Variants in SGPP2 observed in about 807,000 individuals in gnomAD.
The protein encoded by SGPP2 is sphingosine 1-phosphate phosphohydrolase 2.
A neutral mutation model predicts 33.9 loss-of-function variants in SGPP2; 30 were observed. The ratio of observed to expected loss-of-function variants is 0.89; its 90% CI spans 0.66 to 1.20. The LOEUF (loss-of-function observed/expected upper bound fraction) is 1.20. SGPP2 is among the 50% of genes most tolerant of loss of function. The probability of loss-of-function intolerance (pLI) is 0.00; values close to 1 mark genes in which losing one functional copy is unlikely to be tolerated. For synonymous variants in SGPP2, 233 were observed against 225.0 expected (o/e 1.04, Z -0.32); for missense variants, 458 against 532.1 (o/e 0.86, Z 1.37).
chr2:222,433,866 A>G (rs1344368041), intron 1 of SGPP2, among the ~76,000 whole-genome samples: 1 of 152,194 alleles, frequency 6.6e-6, no homozygotes, highest in Non-Finnish European at 1.5e-5. Flanking sequence ...ATGTATTTCA[A>G]TTACTATGTT....
chr2:222,458,971 G>A (rs555361377), intron 1 of SGPP2, among the ~76,000 whole-genome samples: 309 of 152,210 alleles, frequency 2.0e-3, no homozygotes, highest in African/African-American at 6.4e-3. Flanking sequence ...CTCAGTAGAT[G>A]TAGGTTAGTG....
At chr2:222,425,587 T>C (rs1292912410) in intron 1 of SGPP2, among the ~76,000 whole-genome samples, 1 of 152,156 alleles carries the variant, frequency 6.6e-6, no homozygotes, top group Non-Finnish European at 1.5e-5. Flanking sequence ...ACAGGGACTT[T>C]AGGCAGCAGG....
intron 4 of SGPP2, among the ~76,000 whole-genome samples, chr2:222,558,011 A>G (rs150082267): frequency 2.0e-5 from 3 of 152,342 alleles, no homozygotes; most frequent in African/African-American, 7.2e-5. Flanking sequence ...CGGTGACAGT[A>G]TTTGTGATAT....
At chr2:222,466,655 C>T (rs1697750869) in intron 1 of SGPP2, among the ~76,000 whole-genome samples, 2 of 152,110 alleles carry the variant, frequency 1.3e-5, no homozygotes, top group African/African-American at 4.8e-5. Context: ...TGCAAAAGCC[C>T]TTCTTAGGGA....
chr2:222,562,522 T>C lies in SGPP2; in HGVS notation c.*3624T>C, dbSNP rs1378746878. ...GGCCATATGCACCAGGTTTCTATTT[T>C]AGAAACCTTCAGCTGTCTTGCTTAT... On this transcript the variant is annotated 3_prime_UTR_variant, in exon 5 of 5. Coordinates refer to ENST00000321276, the MANE Select transcript of SGPP2 (RefSeq NM_152386.4). 6.6e-6 allele frequency among the ~76,000 whole-genome samples: 1 copy of C among 152,264 alleles called. No individual in the cohort carries two copies. Among genetic ancestry groups the C allele is most frequent in the African/African-American group, 2.4e-5 (1 of 41,470 alleles).
Position 222,561,319 on chromosome 2 carries a change from C to T in SGPP2, c.*2421C>T, listed in dbSNP as rs1398763835. On this transcript the variant is annotated 3_prime_UTR_variant, in exon 5 of 5. Coordinates refer to ENST00000321276, the MANE Select transcript of SGPP2 (RefSeq NM_152386.4). Reference sequence around the variant, plus strand: ...GCCCCTGCAGAGCAGTGGCTGTCAGCCGGATGCGGCACTTTTCTGTATTTT... The same window carrying T: ...GCCCCTGCAGAGCAGTGGCTGTCAGTCGGATGCGGCACTTTTCTGTATTTT... 6.6e-6 allele frequency among the ~76,000 whole-genome samples: 1 copy of T among 152,020 alleles called. No individual in the cohort carries two copies. The highest frequency in any genetic ancestry group is 2.4e-5 in the African/African-American group (1 of 41,410).
At chr2:222,553,529 G>T (rs970741613) in intron 4 of SGPP2, among the ~76,000 whole-genome samples, 1 of 152,148 alleles carries the variant, frequency 6.6e-6, no homozygotes, top group African/African-American at 2.4e-5. Context: ...CCTGGGCCAC[G>T]CTTCTGATCA....
intron 1 of SGPP2, among the ~76,000 whole-genome samples, chr2:222,454,659 C>T (rs1040617402): frequency 2.6e-5 from 4 of 151,202 alleles, no homozygotes; most frequent in Admixed American, 2.6e-4. Flanking sequence ...GCTTGATTAG[C>T]TGAAAACTCA....
intron 2 of SGPP2, among the ~76,000 whole-genome samples, chr2:222,511,266 T>C (rs1393336180): frequency 2.6e-5 from 4 of 152,204 alleles, no homozygotes; most frequent in African/African-American, 9.7e-5. Context: ...ACCTTTTGTC[T>C]GCCTGGGGTG....
intron 4 of SGPP2, among the ~76,000 whole-genome samples, chr2:222,529,395 C>T (rs931901112): frequency 6.6e-6 from 1 of 152,016 alleles, no homozygotes; most frequent in Non-Finnish European, 1.5e-5. Context: ...AGTGCAATGG[C>T]GTGATGTCTA....
intron 1 of SGPP2, among the ~76,000 whole-genome samples, chr2:222,449,678 C>T (rs770938633): frequency 1.3e-5 from 2 of 152,142 alleles, no homozygotes; most frequent in Non-Finnish European, 2.9e-5. Context: ...ACCATGTTAG[C>T]CAATTCTTAT....
intron 1 of SGPP2, chr2:222,453,086 C>T (rs1237916932): frequency 1.9e-6 from 2 of 1,078,422 alleles, no homozygotes; most frequent in East Asian, 2.4e-5. Context: ...GGTTGTTTGC[C>T]TTTGGGACTG....
In SGPP2 at chr2:222,559,175, CG is replaced by C. The variant is rs534132082; in HGVS notation, c.*278del. ...GCACACACCGCGCCCCCCCCCCCCC[CG>C]CCCGGCCCCTGCTCCTCTCGCTGTT... On this transcript the variant is annotated 3_prime_UTR_variant, in exon 5 of 5. Coordinates refer to ENST00000321276, the MANE Select transcript of SGPP2 (RefSeq NM_152386.4). 5,605 of 37,412 alleles carry C rather than the reference CG, an allele frequency of 0.15. 457 individuals carry two copies. The highest frequency in any genetic ancestry group is 0.29 in the East Asian group (655 of 2,242). The allele number at this position is 37,412 out of a possible 1,614,324, so 2.3% of individuals were successfully genotyped here.
chr2:222,503,495 T>A (rs753828180), intron 2 of SGPP2, among the ~76,000 whole-genome samples: 5 of 152,136 alleles, frequency 3.3e-5, no homozygotes, highest in Non-Finnish European at 7.4e-5. Context: ...CATGGCGAAA[T>A]GACAAAGATC....
intron 2 of SGPP2, among the ~76,000 whole-genome samples, chr2:222,503,519 A>G (rs1403460003): frequency 6.6e-6 from 1 of 152,192 alleles, no homozygotes; most frequent in African/African-American, 2.4e-5. Flanking sequence ...AGTCCCTGGT[A>G]ATAATTGCTT....
At chr2:222,449,652 G>A (rs1471624849) in intron 1 of SGPP2, among the ~76,000 whole-genome samples, 1 of 152,100 alleles carries the variant, frequency 6.6e-6, no homozygotes, top group Non-Finnish European at 1.5e-5. Context: ...TGTATTTCTA[G>A]TAGAGATGGG....
chr2:222,534,408 C>G (rs1292594714), intron 4 of SGPP2, among the ~76,000 whole-genome samples: 1 of 152,144 alleles, frequency 6.6e-6, no homozygotes, highest in Non-Finnish European at 1.5e-5. Flanking sequence ...ATTGTTTGAT[C>G]TCTGGATAAT....
At chr2:222,490,148 A>G (rs1698174478) in intron 2 of SGPP2, among the ~76,000 whole-genome samples, 1 of 152,192 alleles carries the variant, frequency 6.6e-6, no homozygotes, top group Non-Finnish European at 1.5e-5. Context: ...TGAGAAACAT[A>G]TTTTTATAAA....
In SGPP2 at chr2:222,460,107, T is replaced by C. The variant is rs891336560; in HGVS notation, c.220-14461T>C. Among the ~76,000 whole-genome samples, 2 of 152,154 alleles carry C rather than the reference T, an allele frequency of 1.3e-5. No homozygotes were observed. The highest frequency in any genetic ancestry group is 2.4e-5 in the African/African-American group (1 of 41,434). ...CAAAACCCAGGGCCTCCGGGTTTGC[T>C]CGGGGTGGGCATTGCACAGCCTGTG... On this transcript the variant is annotated intron_variant, in intron 1 of 4. Transcript: ENST00000321276. This position sits in a 1 kb window ranked among gnomAD's most constrained non-coding sequence, Gnocchi z 4.3.
Sources: allele counts gnomAD v4.1 joint callset (sites outside exome capture counted in the v4.1 genomes callset), GRCh38; gene constraint gnomAD v4.1.1; non-coding constraint Gnocchi (gnomAD v3.1); transcripts MANE v1.5; gene names NCBI Gene and HGNC (gene_info 2026-07-23, HGNC 2026-07-21).